The following ATP1B3 variants were observed in gnomAD, a reference collection of about 807,000 sequenced individuals.
ATP1B3 encodes the protein ATPase Na+/K+ transporting subunit beta 3.
Under a neutral mutation model 30.2 loss-of-function variants are expected in ATP1B3, and 10 were observed. That is an observed-to-expected ratio of 0.33 (90% confidence interval 0.20 to 0.56). The LOEUF (loss-of-function observed/expected upper bound fraction) is 0.56. Among genes scored for constraint, ATP1B3 ranks in the 20% least tolerant of loss-of-function variants. The pLI, the probability that ATP1B3 is intolerant of heterozygous loss-of-function variation, is 0.90. For synonymous variants in ATP1B3, 113 were observed against 117.0 expected (o/e 0.97, Z 0.22); for missense variants, 238 against 336.7 (o/e 0.71, Z 2.29).
chr3:141,903,528 C>A (rs747160668), intron 1 of ATP1B3, 92 bp from the exon 2 acceptor site: 1 of 1,556,752 alleles, frequency 6.4e-7, no homozygotes, highest in African/African-American at 1.4e-5. Context: ...CGTACCCTTG[C>A]AAGAACAGTT....
intron 1 of ATP1B3, among the ~76,000 whole-genome samples, chr3:141,883,521 A>C (rs1933772511): frequency 6.6e-6 from 1 of 152,218 alleles, no homozygotes; most frequent in Non-Finnish European, 1.5e-5. Flanking sequence ...ATCTAAAAAA[A>C]AGTTAAGACT....
chr3:141,887,172 T>C (rs977677528), intron 1 of ATP1B3, among the ~76,000 whole-genome samples: 1 of 152,198 alleles, frequency 6.6e-6, no homozygotes, highest in East Asian at 1.9e-4. Context: ...CCTAACTCCA[T>C]TACTGTAGCT....
At chr3:141,925,251 G>T (rs1293863873) in intron 6 of ATP1B3, among the ~76,000 whole-genome samples, 1 of 152,184 alleles carries the variant, frequency 6.6e-6, no homozygotes, top group African/African-American at 2.4e-5. Flanking sequence ...AGGGCCATTT[G>T]AAGCGAGGAG....
chr3:141,880,724 A>G (rs1933705611), intron 1 of ATP1B3, among the ~76,000 whole-genome samples: 1 of 152,192 alleles, frequency 6.6e-6, no homozygotes, highest in Non-Finnish European at 1.5e-5. Context: ...TAGATACCCC[A>G]GTGTAAACTG....
At chr3:141,922,810 C>G (rs980006777) in intron 6 of ATP1B3, among the ~76,000 whole-genome samples, 1 of 144,258 alleles carries the variant, frequency 6.9e-6, no homozygotes, top group Non-Finnish European at 1.5e-5. Flanking sequence ...CTAAAAATTA[C>G]AAAAAATTAG....
At chr3:141,881,215 AAAAG>A (rs1933719801) in intron 1 of ATP1B3, among the ~76,000 whole-genome samples, 2 of 151,860 alleles carry the variant, frequency 1.3e-5, no homozygotes, top group African/African-American at 2.4e-5. Flanking sequence ...AAAAAAAAAA[AAAAG>A]AAAAGAAAAA....
intron 1 of ATP1B3, among the ~76,000 whole-genome samples, chr3:141,901,907 AT>A (rs1435608374): frequency 1.3e-5 from 2 of 152,154 alleles, no homozygotes; most frequent in African/African-American, 4.8e-5. Flanking sequence ...CAGTCTGCCT[AT>A]TTTTATAAGC....
Position 141,925,878 on chromosome 3 carries a change from T to A in ATP1B3, c.*177T>A, listed in dbSNP as rs1934649865. 1.4e-6 allele frequency: 1 copy of A among 735,256 alleles called. No individual in the cohort carries two copies. Among genetic ancestry groups the A allele is most frequent in the Non-Finnish European group, 2.1e-6 (1 of 474,654 alleles). 45.5% of individuals were successfully genotyped at this position (735,256 alleles called of 1,614,324 possible). ...AGTGTTCAGTGTCCTCTGAAGTAAC[T>A]GCCTGTTGCCTCTGCTGCCCTTTGA... On this transcript the variant is annotated 3_prime_UTR_variant, in exon 7 of 7. Coordinates refer to ENST00000286371, the MANE Select transcript of ATP1B3 (RefSeq NM_001679.4).
At chr3:141,895,470 G>T (rs760028463) in intron 1 of ATP1B3, among the ~76,000 whole-genome samples, 1 of 152,044 alleles carries the variant, frequency 6.6e-6, no homozygotes, top group Non-Finnish European at 1.5e-5. Context: ...GATTACAAGC[G>T]TGAGCCACTG....
intron 5 of ATP1B3, chr3:141,916,701 G>A: frequency 1.3e-6 from 1 of 755,476 alleles, no homozygotes; most frequent in South Asian, 1.7e-5. Context: ...TTAAAGTTGT[G>A]AAAAAAAATT....
At chr3:141,920,042 A>G (rs959896325) in intron 5 of ATP1B3, among the ~76,000 whole-genome samples, 8 of 152,202 alleles carry the variant, frequency 5.3e-5, no homozygotes, top group African/African-American at 1.9e-4. Flanking sequence ...ATATTTTACA[A>G]TTTCTAAATG....
intron 6 of ATP1B3, 87 bp downstream of exon 6, chr3:141,922,150 A>G: frequency 1.4e-6 from 1 of 736,206 alleles, no homozygotes; most frequent in Non-Finnish European, 2.2e-6. Context: ...GGGTAGGTAG[A>G]CGCCAGCCCT....
chr3:141,899,868 TC>T (rs1208165677), intron 1 of ATP1B3, among the ~76,000 whole-genome samples: 3 of 151,548 alleles, frequency 2.0e-5, no homozygotes, highest in Non-Finnish European at 2.9e-5. Context: ...AAACTCCATC[TC>T]CAAAAAAAAG....
At chr3:141,895,122 T>TTG in intron 1 of ATP1B3, among the ~76,000 whole-genome samples, 1 of 151,212 alleles carries the variant, frequency 6.6e-6, no homozygotes, top group African/African-American at 2.4e-5. Flanking sequence ...ATGTTTTTTT[T>TTG]GGGGGGAGGG....
intron 5 of ATP1B3, chr3:141,916,565 TA>T (rs1233926553): frequency 7.8e-7 from 1 of 1,288,086 alleles, no homozygotes; most frequent in Non-Finnish European, 1.0e-6. Context: ...ACAAATAATG[TA>T]AAAGATGGGT....
At chr3:141,885,384 A>G (rs899223633) in intron 1 of ATP1B3, among the ~76,000 whole-genome samples, 1 of 151,914 alleles carries the variant, frequency 6.6e-6, no homozygotes, top group African/African-American at 2.4e-5. Flanking sequence ...TAACACTCCC[A>G]CCAACCTTGT....
chr3:141,902,742 A>G (rs1330504228), intron 1 of ATP1B3, among the ~76,000 whole-genome samples: 1 of 152,098 alleles, frequency 6.6e-6, no homozygotes, highest in Non-Finnish European at 1.5e-5. Context: ...ATGAAATTCC[A>G]TTGATCAGAG....
chr3:141,904,667 A>G (rs1404775764), intron 2 of ATP1B3, among the ~76,000 whole-genome samples: 1 of 133,938 alleles, frequency 7.5e-6, no homozygotes, highest in African/African-American at 2.8e-5. Context: ...TCTAAACCAC[A>G]TTTTCTACCT....
In ATP1B3 at chr3:141,895,151, C is replaced by G. The variant is rs919676424; in HGVS notation, c.110-8469C>G. 4.0e-5 allele frequency among the ~76,000 whole-genome samples: 6 copies of G among 149,546 alleles called. No homozygotes were observed. The East Asian group carries it at 1.2e-3, about 29-fold the overall frequency. ...GGGAGGGTCTCATAGGAGATGACAG[C>G]TCCTGTGCATGTTATTGTCTCTTTT... On this transcript the variant is annotated intron_variant, in intron 1 of 6. Coordinates refer to ENST00000286371, the MANE Select transcript of ATP1B3 (RefSeq NM_001679.4).
Sources: allele counts gnomAD v4.1 joint callset (sites outside exome capture counted in the v4.1 genomes callset), GRCh38; gene constraint gnomAD v4.1.1; transcripts MANE v1.5; gene names NCBI Gene and HGNC (gene_info 2026-07-23, HGNC 2026-07-21).